The following IP6K2 variants were observed in gnomAD, a reference collection of about 807,000 sequenced individuals.
IP6K2 encodes ATP:1D-myo-inositol-hexakisphosphate phosphotransferase.
IP6K2 carries 9 observed loss-of-function variants against 43.3 expected under a neutral mutation model. That is an observed-to-expected ratio of 0.21 (90% CI 0.13 to 0.36). The LOEUF is 0.36. Among genes scored for constraint, IP6K2 ranks in the 10% least tolerant of loss-of-function variants. The probability of loss-of-function intolerance (pLI) is 1.00; values close to 1 mark genes in which losing one functional copy is unlikely to be tolerated. For missense variants in IP6K2, 332 were observed against 538.4 expected (o/e 0.62, Z 3.79); for synonymous variants, 209 against 202.4 (o/e 1.03, Z -0.28).
chr3:48,704,314 C>T (rs938902095), intron 1 of IP6K2, among the ~76,000 whole-genome samples: 2 of 152,150 alleles, frequency 1.3e-5, no homozygotes, highest in Admixed American at 6.5e-5. Context: ...GGACATCTAT[C>T]ATCCTTGATG....
At chr3:48,711,460 CT>C (rs1231098555) in intron 1 of IP6K2, 1 of 152,210 alleles carries the variant, frequency 6.6e-6, no homozygotes, top group Admixed American at 6.5e-5. Context: ...GCCCAAAGAC[CT>C]GAGGAAGAGA....
chr3:48,693,547 C>T, intron 2 of IP6K2: 1 of 1,202,594 alleles, frequency 8.3e-7, no homozygotes, highest in Non-Finnish European at 1.0e-6. Context: ...ATTTTTAATG[C>T]CCTAAACAGA....
At chr3:48,698,111 C>T (rs148658917) in intron 1 of IP6K2, among the ~76,000 whole-genome samples, 1,637 of 152,292 alleles carry the variant, frequency 0.011, 12 homozygotes, top group Middle Eastern at 0.017. Context: ...AATATGAGTA[C>T]ATTCTAACCA....
chr3:48,712,634 T>C (rs1049041388), intron 1 of IP6K2, among the ~76,000 whole-genome samples: 1 of 152,072 alleles, frequency 6.6e-6, no homozygotes, highest in Admixed American at 6.6e-5. Flanking sequence ...GGATCACTTA[T>C]GGCCCCAAGA....
rs1559501900 is a variant in IP6K2 at position 48,688,323 on chromosome 3, G to C, written c.1231C>G (p.Gln411Glu). Residue 411 changes from glutamine (Q) to glutamate (E), a missense_variant, in exon 6 of 6, where the codon CAG becomes GAG. Gln to Glu is a conservative substitution (Grantham distance 29, BLOSUM62 2). Transcript: ENST00000328631. This position sits in a 1 kb window ranked among gnomAD's most constrained non-coding sequence, Gnocchi z 5.1. ...GQDAGYIFGL[Q>E]SLIDIVTEIS... Reference sequence around the variant, plus strand: ...TCTGTGACAATGTCTATCAGGCTCTGGAGCCCGAAGATATAGCCAGCATCC... The same window carrying C: ...TCTGTGACAATGTCTATCAGGCTCTCGAGCCCGAAGATATAGCCAGCATCC... The C allele has an allele frequency of 6.2e-7, 1 of 1,614,174 alleles. No individual in the cohort carries two copies. The highest frequency in any genetic ancestry group is 8.5e-7 in the Non-Finnish European group (1 of 1,180,004).
intron 1 of IP6K2, among the ~76,000 whole-genome samples, chr3:48,709,444 G>T (rs1367997360): frequency 6.6e-6 from 1 of 152,200 alleles, no homozygotes; most frequent in East Asian, 1.9e-4. Context: ...GCAGCAATCT[G>T]GCAGCTTGTA....
At chr3:48,707,420 T>C (rs980943570) in intron 1 of IP6K2, among the ~76,000 whole-genome samples, 8 of 152,232 alleles carry the variant, frequency 5.3e-5, no homozygotes, top group Middle Eastern at 6.8e-3. Flanking sequence ...GAGCCCTCAA[T>C]AGCATCTCAT....
chr3:48,694,539 TATAAAAAGAA>T (rs1160663695), intron 2 of IP6K2: 49 of 1,521,984 alleles, frequency 3.2e-5, no homozygotes, highest in Non-Finnish European at 3.9e-5. Context: ...TAAAATACAT[TATAAAAAGAA>T]ATAAAAAATT....
chr3:48,699,228 T>TA (rs1297557358), intron 1 of IP6K2: 1 of 151,964 alleles, frequency 6.6e-6, no homozygotes, highest in Middle Eastern at 3.2e-3. Flanking sequence ...CTGACCAACA[T>TA]AGAGAAATGC....
At chr3:48,694,784 C>T in intron 2 of IP6K2, 1 of 1,533,554 alleles carries the variant, frequency 6.5e-7, no homozygotes, top group Non-Finnish European at 8.7e-7. Context: ...CCCCACCGTC[C>T]CCCCAGTGGG....
intron 1 of IP6K2, among the ~76,000 whole-genome samples, chr3:48,701,567 CAAAAAAAAAAAAAA>C (rs67509214): frequency 2.7e-4 from 13 of 47,480 alleles, no homozygotes; most frequent in Admixed American, 1.1e-3. Context: ...GACTCCGTCT[CAAAAAAAAAAAAAA>C]AAAAAAAAAA....
In IP6K2 at chr3:48,693,073, G is replaced by A; in HGVS notation, c.309C>T (p.Asp103=). The change falls in exon 3 of 6, where the codon GAC becomes GAT. Residue 103 remains aspartate, a synonymous_variant. Coordinates refer to ENST00000328631, the MANE Select transcript of IP6K2 (RefSeq NM_016291.4). The part of the protein sequence containing the change: ...HGIVDIVDNS[D]CEPKSKLLRW... ...TTAGGAGCTTACTTTTTGGTTCACA[G>A]TCTGAATTATCTACAATGTCCACAA... is the stretch of plus-strand genomic sequence containing the variant. 2 of 1,614,104 alleles carry A rather than the reference G, an allele frequency of 1.2e-6. No homozygotes were observed. The highest frequency in any genetic ancestry group is 8.5e-7 in the Non-Finnish European group (1 of 1,179,934).
chr3:48,691,529 C>A, intron 3 of IP6K2, 47 bp from the exon 4 acceptor site: 1 of 1,459,550 alleles, frequency 6.9e-7, no homozygotes, highest in South Asian at 1.2e-5. Flanking sequence ...TATCAGAATT[C>A]AGAAGGCCGG....
chr3:48,693,204 G>A (rs759000273), intron 2 of IP6K2, 25 bp from the exon 3 acceptor site: 1 of 1,576,982 alleles, frequency 6.3e-7, no homozygotes, highest in South Asian at 1.1e-5. Context: ...GGAGCAGAAA[G>A]AACTTTTAAT....
At chr3:48,696,451 A>G (rs1183686439) in intron 1 of IP6K2, among the ~76,000 whole-genome samples, 1 of 152,170 alleles carries the variant, frequency 6.6e-6, no homozygotes, top group Non-Finnish European at 1.5e-5. Context: ...TATCAGTTCT[A>G]TCCTGATCAC....
chr3:48,688,261 CAGCT>C lies in IP6K2; in HGVS notation c.*8_*11del, dbSNP rs772991882. 1 of 1,610,666 alleles carries C rather than the reference CAGCT, an allele frequency of 6.2e-7. No individual in the cohort carries two copies. The highest frequency in any genetic ancestry group is 1.3e-5 in the African/African-American group (1 of 74,992). ...ACAGAGTCGCTCTCAAGTACTGGAG[CAGCT>C]AGCAAGCTCACTCCCCACTCTCCTC... On this transcript the variant is annotated 3_prime_UTR_variant, in exon 6 of 6. Transcript: ENST00000328631. The surrounding 1 kb of genome is among the most constrained non-coding windows in gnomAD (Gnocchi z 5.1).
intron 1 of IP6K2, among the ~76,000 whole-genome samples, chr3:48,697,672 G>A (rs2078548604): frequency 6.7e-6 from 1 of 149,074 alleles, no homozygotes; most frequent in African/African-American, 2.5e-5. Flanking sequence ...AAAATTAAAC[G>A]TTTTACTGTT....
At chr3:48,710,961 G>A (rs911807026) in intron 1 of IP6K2, among the ~76,000 whole-genome samples, 1 of 152,034 alleles carries the variant, frequency 6.6e-6, no homozygotes, top group African/African-American at 2.4e-5. Context: ...AGGCTGAAGC[G>A]CAGTTGGTGT....
chr3:48,693,624 G>A (rs1032464553), intron 2 of IP6K2: 1 of 1,142,980 alleles, frequency 8.7e-7, no homozygotes, highest in Non-Finnish European at 1.1e-6. Flanking sequence ...AGGTTTGCCT[G>A]AGGGTTAAGA....
Sources: gnomAD v4.1 joint callset for allele counts (sites outside exome capture counted in the v4.1 genomes callset) on GRCh38, gnomAD v4.1.1 for gene constraint, Gnocchi (gnomAD v3.1) non-coding constraint, MANE v1.5 for transcripts, NCBI Gene and HGNC (gene_info 2026-07-23, HGNC 2026-07-21) for gene names.